The following BCAT1 variants were observed in gnomAD, a reference collection of about 807,000 sequenced individuals.
The protein encoded by BCAT1 is branched chain amino acid transaminase 1, also known as branched-chain-amino-acid aminotransferase, cytosolic.
A neutral mutation model predicts 52.4 loss-of-function variants in BCAT1; 48 were observed. The ratio of observed to expected loss-of-function variants is 0.92; its 90% CI spans 0.73 to 1.16. BCAT1 has a LOEUF of 1.16. Ranked by LOEUF, BCAT1 falls within the 50% of genes most tolerant of loss-of-function variation. The pLI, the probability that BCAT1 is intolerant of heterozygous loss-of-function variation, is 0.00. For synonymous variants in BCAT1, 167 were observed against 161.3 expected, an observed-to-expected ratio of 1.04 and a Z score of -0.27; for missense variants, 451 against 457.1, an observed-to-expected ratio of 0.99 and a Z score of 0.12.
chr12:24,934,101 C>G lies in BCAT1; in HGVS notation c.6+14826G>C, dbSNP rs116341319. The stretch of plus-strand genomic sequence containing the variant: ...CCGTGCAAGCTCCCAGCTTGCTTGT[C>G]TATGTGTGGGGCTGCTTTTCATTTA... On this transcript the variant is annotated intron_variant, in intron 1 of 10. Transcript: ENST00000261192. Among the ~76,000 whole-genome samples, 673 of 152,316 alleles carry G rather than the reference C, an allele frequency of 4.4e-3. 4 individuals carry two copies. Among genetic ancestry groups the G allele is most frequent in the African/African-American group, 0.016 (646 of 41,570 alleles).
At chr12:24,934,121 C>T (rs563355615) in intron 1 of BCAT1, among the ~76,000 whole-genome samples, 1 of 152,306 alleles carries the variant, frequency 6.6e-6, no homozygotes, top group Admixed American at 6.5e-5. Context: ...GGCTGCTTTT[C>T]ATTTAAAAGA....
intron 1 of BCAT1, among the ~76,000 whole-genome samples, chr12:24,905,836 T>C (rs1427781695): frequency 2.0e-5 from 3 of 150,806 alleles, no homozygotes; most frequent in African/African-American, 7.3e-5. Flanking sequence ...AGTTTGGAGA[T>C]TGGAAGAGGG....
chr12:24,917,106 C>T (rs1318134441), intron 1 of BCAT1, among the ~76,000 whole-genome samples: 2 of 151,858 alleles, frequency 1.3e-5, no homozygotes, highest in African/African-American at 4.8e-5. Context: ...TTCAATCCTT[C>T]ATTCACTCAG....
intron 2 of BCAT1, among the ~76,000 whole-genome samples, chr12:24,894,952 C>G (rs923194656): frequency 6.6e-6 from 1 of 152,182 alleles, no homozygotes; most frequent in African/African-American, 2.4e-5. Flanking sequence ...TTGGCATAAG[C>G]CTTCAAAATC....
intron 10 of BCAT1, among the ~76,000 whole-genome samples, chr12:24,823,433 C>T (rs1201308313): frequency 6.6e-6 from 1 of 152,048 alleles, no homozygotes; most frequent in African/African-American, 2.4e-5. Flanking sequence ...TAGAATAGCC[C>T]CTGCATATGG....
At position 24,815,574 on chromosome 12, in the gene BCAT1, AT is replaced by A. The variant is rs1939847162; in HGVS notation, c.*2433del. 6.6e-6 allele frequency: 1 copy of A among 152,474 alleles called. No individual in the cohort carries two copies. Among genetic ancestry groups the A allele is most frequent in the African/African-American group, 2.4e-5 (1 of 41,454 alleles). The allele number at this position is 152,474 out of a possible 1,614,324, so 9.4% of individuals were successfully genotyped here. The stretch of plus-strand genomic sequence containing the variant: ...AACAAATAGTGCACAAGGAAAAAAG[AT>A]GTGCAGATGTTCCTGTTAAATCTAT... On this transcript the variant is annotated 3_prime_UTR_variant, in exon 11 of 11. Coordinates refer to ENST00000261192, the MANE Select transcript of BCAT1 (RefSeq NM_005504.7).
At chr12:24,818,093 A>G (rs1277683251) in intron 10 of BCAT1, 44 bp from the exon 11 acceptor site, 1 of 1,601,172 alleles carries the variant, frequency 6.2e-7, no homozygotes. Context: ...AGAAGCTAAC[A>G]GGGCAGAAAT....
chr12:24,938,231 C>A (rs1473295624), intron 1 of BCAT1, among the ~76,000 whole-genome samples: 1 of 152,048 alleles, frequency 6.6e-6, no homozygotes, highest in African/African-American at 2.4e-5. Flanking sequence ...CAGTACTGGG[C>A]AGGGTGAAGG....
At chr12:24,830,104 T>C (rs748027317) in intron 9 of BCAT1, 15 of 406,930 alleles carry the variant, frequency 3.7e-5, no homozygotes, top group Non-Finnish European at 6.0e-5. Context: ...TGACAGGTTA[T>C]ACATTGCCTA....
At chr12:24,850,160 C>T (rs1941463692) in intron 5 of BCAT1, among the ~76,000 whole-genome samples, 1 of 152,172 alleles carries the variant, frequency 6.6e-6, no homozygotes, top group Admixed American at 6.5e-5. Context: ...GCTTTGCTTT[C>T]TGAGTTGTTA....
chr12:24,944,133 G>A (rs916815566), intron 1 of BCAT1, among the ~76,000 whole-genome samples: 3 of 152,094 alleles, frequency 2.0e-5, no homozygotes, highest in Non-Finnish European at 2.9e-5. Context: ...AGCACTCACC[G>A]ACACTGAAAA....
At chr12:24,912,967 G>C (rs908728492) in intron 1 of BCAT1, among the ~76,000 whole-genome samples, 1 of 152,120 alleles carries the variant, frequency 6.6e-6, no homozygotes, top group Non-Finnish European at 1.5e-5. Context: ...ACAGAACGAA[G>C]ACCCAAAGAT....
intron 5 of BCAT1, among the ~76,000 whole-genome samples, chr12:24,863,289 G>T (rs368740141): frequency 3.9e-5 from 6 of 152,214 alleles, no homozygotes; most frequent in African/African-American, 1.4e-4. Context: ...TGTAGAGAGC[G>T]CCAGGGCTCG....
intron 3 of BCAT1, among the ~76,000 whole-genome samples, chr12:24,887,968 G>T (rs902939260): frequency 1.3e-5 from 2 of 152,158 alleles, no homozygotes; most frequent in South Asian, 2.1e-4. Context: ...ATGAGTGAAG[G>T]AGAAACATGT....
chr12:24,846,587 G>C (rs549256787), intron 6 of BCAT1, among the ~76,000 whole-genome samples: 2 of 152,302 alleles, frequency 1.3e-5, no homozygotes, highest in South Asian at 4.1e-4. Flanking sequence ...AAGATAAAGA[G>C]AGTCCAGGAA....
intron 3 of BCAT1, among the ~76,000 whole-genome samples, chr12:24,890,359 G>C (rs1019356361): frequency 1.3e-5 from 2 of 152,270 alleles, no homozygotes; most frequent in African/African-American, 4.8e-5. Context: ...GGTAAAATAA[G>C]GCTGAAACCT....
chr12:24,926,483 G>A (rs1468519376), intron 1 of BCAT1, among the ~76,000 whole-genome samples: 2 of 152,280 alleles, frequency 1.3e-5, no homozygotes, highest in Non-Finnish European at 2.9e-5. Context: ...TTGAGAACGG[G>A]CCATGATGAC....
intron 7 of BCAT1, among the ~76,000 whole-genome samples, chr12:24,840,159 T>C (rs1156677201): frequency 6.6e-6 from 1 of 152,238 alleles, no homozygotes; most frequent in East Asian, 1.9e-4. Context: ...TGATTATTGT[T>C]TGGATAAAGA....
intron 1 of BCAT1, among the ~76,000 whole-genome samples, chr12:24,926,555 G>A (rs1943590918): frequency 6.6e-6 from 1 of 152,176 alleles, no homozygotes; most frequent in Non-Finnish European, 1.5e-5. Context: ...AAATCAGATT[G>A]TTGCTGTGTC....
Sources: gnomAD v4.1 joint callset for allele counts (sites outside exome capture counted in the v4.1 genomes callset) on GRCh38, gnomAD v4.1.1 for gene constraint, MANE v1.5 for transcripts, NCBI Gene and HGNC (gene_info 2026-07-23, HGNC 2026-07-21) for gene names.